Variants in NCALD observed in about 807,000 individuals in gnomAD.
NCALD encodes the protein neurocalcin-delta.
In NCALD, 10 loss-of-function variants were observed where a neutral mutation model predicts 18.6. The observed-to-expected ratio is 0.54, with a 90% CI of 0.33 to 0.91. The LOEUF (loss-of-function observed/expected upper bound fraction) is 0.91, where lower values mean the gene tolerates loss of function less well. Among genes scored for constraint, NCALD ranks in the 40% least tolerant of loss-of-function variants. The pLI, the probability that NCALD is intolerant of heterozygous loss-of-function variation, is 0.03. For synonymous variants in NCALD, 88 were observed against 87.4 expected (o/e 1.01, Z -0.04); for missense variants, 184 against 247.6 (o/e 0.74, Z 1.72).
rs2212795 is a variant in NCALD at position 102,014,713 on chromosome 8, G to A, written c.-157+5524C>T. Among the ~76,000 whole-genome samples, 849 of 152,036 alleles carry A rather than the reference G, an allele frequency of 5.6e-3. 12 individuals carry two copies. Among genetic ancestry groups the A allele is most frequent in the African/African-American group, 0.019 (792 of 41,448 alleles). Reference sequence around the variant, plus strand: ...TGCACTATACCCCCCACCCCACCAGGTTTTCCTTACAGTAGAGTTACCTTC... The same window carrying A: ...TGCACTATACCCCCCACCCCACCAGATTTTCCTTACAGTAGAGTTACCTTC... On this transcript the variant is annotated intron_variant, in intron 2 of 6. Transcript: ENST00000311028.
chr8:101,916,536 G>A (rs948490345), intron 2 of NCALD, among the ~76,000 whole-genome samples: 3 of 152,122 alleles, frequency 2.0e-5, no homozygotes, highest in Non-Finnish European at 2.9e-5. Context: ...TTACTTGAAT[G>A]CAAGTGGTTT....
chr8:102,057,254 T>TCAAACA (rs1586992999), intron 1 of NCALD, among the ~76,000 whole-genome samples: 1 of 60,054 alleles, frequency 1.7e-5, no homozygotes, highest in East Asian at 6.2e-4. Context: ...CTTGGCTAGT[T>TCAAACA]CATACACACA....
At chr8:101,814,705 A>G (rs1042754395) in intron 4 of NCALD, among the ~76,000 whole-genome samples, 3 of 152,080 alleles carry the variant, frequency 2.0e-5, no homozygotes, top group African/African-American at 7.2e-5. Context: ...TCATCTAGGT[A>G]GGAAAGCCAA....
chr8:101,839,812 G>A (rs962681677), intron 4 of NCALD, among the ~76,000 whole-genome samples: 4 of 152,082 alleles, frequency 2.6e-5, no homozygotes, highest in African/African-American at 7.2e-5. Flanking sequence ...GGGTAATGAG[G>A]AACGCTGAAG....
At chr8:101,777,666 G>A (rs1811849911) in intron 1 of NCALD, among the ~76,000 whole-genome samples, 2 of 152,126 alleles carry the variant, frequency 1.3e-5, no homozygotes, top group Non-Finnish European at 2.9e-5. Flanking sequence ...CAGCACACTG[G>A]GGCAGCCACT....
At position 101,858,855 on chromosome 8, in the gene NCALD, A is replaced by C. The variant is rs576035485; in HGVS notation, c.-20+28286T>G. ...GGAAAACAGAATGACCAGATACTTG[A>C]GAACAATCTCCAAAGAAAAACATGC... On this transcript the variant is annotated intron_variant, in intron 4 of 6. Coordinates refer to the NCALD transcript ENST00000311028. Among the ~76,000 whole-genome samples the C allele has an allele frequency of 2.6e-5, 4 of 152,298 alleles. No individual in the cohort carries two copies. In the East Asian group the frequency reaches 7.7e-4, roughly 29 times the overall value.
At chr8:101,792,190 A>C, upstream of NCALD, among the ~76,000 whole-genome samples, 1 of 152,210 alleles carries the variant, frequency 6.6e-6, no homozygotes, top group East Asian at 1.9e-4. Flanking sequence ...AAATAAATAA[A>C]TAAAAAAGAG....
At chr8:102,094,385 C>G (rs1214183325) in intron 1 of NCALD, among the ~76,000 whole-genome samples, 2 of 152,150 alleles carry the variant, frequency 1.3e-5, no homozygotes, top group Non-Finnish European at 2.9e-5. Flanking sequence ...AGATACTGTA[C>G]TCATTTTATA....
chr8:101,753,268 G>A (rs889965400), intron 1 of NCALD, among the ~76,000 whole-genome samples: 4 of 152,178 alleles, frequency 2.6e-5, no homozygotes, highest in African/African-American at 9.7e-5. Flanking sequence ...AAGATCAGAT[G>A]GGTGGGATAA....
At chr8:101,715,878 A>T (rs28879186) in intron 2 of NCALD, among the ~76,000 whole-genome samples, 1,929 of 152,324 alleles carry the variant, frequency 0.013, 24 homozygotes, top group Admixed American at 0.028. Flanking sequence ...TGGGAACATA[A>T]ATTAGTTTAA....
chr8:102,010,847 T>C (rs1157005010), intron 2 of NCALD, among the ~76,000 whole-genome samples: 1 of 152,194 alleles, frequency 6.6e-6, no homozygotes, highest in Non-Finnish European at 1.5e-5. Flanking sequence ...TAAGATTACA[T>C]CAGGAAACAC....
rs555838416 is a variant in NCALD, at chr8:101,932,831, T to C, written c.-156-16973A>G. Among the ~76,000 whole-genome samples, 37 of 152,324 alleles carry C rather than the reference T, an allele frequency of 2.4e-4. 3 individuals carry two copies. In the South Asian group the frequency reaches 7.0e-3, roughly 29 times the overall value. On this transcript the variant is annotated intron_variant, in intron 2 of 6. Transcript: ENST00000311028. ...AATGACAACAATCTAACAAGTTAGT[T>C]AGCTAGAGAATATTATTTTGCTGTC...
At chr8:101,851,073 C>T (rs1425453496) in intron 4 of NCALD, among the ~76,000 whole-genome samples, 1 of 152,094 alleles carries the variant, frequency 6.6e-6, no homozygotes, top group African/African-American at 2.4e-5. Flanking sequence ...TTTAGTAAAT[C>T]TTAAAGAAGA....
chr8:101,962,871 TTTTC>T (rs1423850041), intron 2 of NCALD, among the ~76,000 whole-genome samples: 2 of 152,192 alleles, frequency 1.3e-5, no homozygotes, highest in Non-Finnish European at 2.9e-5. Context: ...ATAATTTATT[TTTTC>T]TTTCTATTTA....
At chr8:101,795,444 A>G, upstream of NCALD, among the ~76,000 whole-genome samples, 1 of 152,222 alleles carries the variant, frequency 6.6e-6, no homozygotes, top group East Asian at 1.9e-4. Flanking sequence ...GTCTCTTGTG[A>G]GAGCCCATTT....
chr8:101,991,609 G>T (rs1214028076), intron 2 of NCALD, among the ~76,000 whole-genome samples: 1 of 152,132 alleles, frequency 6.6e-6, no homozygotes, highest in Middle Eastern at 3.2e-3. Flanking sequence ...AGGGCTGGGG[G>T]TCAGAGGTTT....
At chr8:101,728,508 G>A (rs1816669925) in intron 1 of NCALD, among the ~76,000 whole-genome samples, 1 of 152,218 alleles carries the variant, frequency 6.6e-6, no homozygotes, top group African/African-American at 2.4e-5. Context: ...AGGGATTCCT[G>A]AAAGAGACCA....
intron 1 of NCALD, among the ~76,000 whole-genome samples, chr8:101,765,671 T>C (rs1563746456): frequency 2.0e-5 from 3 of 152,036 alleles, no homozygotes; most frequent in Admixed American, 2.0e-4. Flanking sequence ...GGAGAGAAAG[T>C]ATCTTCCAAA....
intron 4 of NCALD, among the ~76,000 whole-genome samples, chr8:101,878,067 C>G (rs1015809804): frequency 6.6e-6 from 1 of 152,168 alleles, no homozygotes; most frequent in Non-Finnish European, 1.5e-5. Context: ...CCAGAAATAA[C>G]AAATGTTCCA....
Sources: allele counts gnomAD v4.1 joint callset (sites outside exome capture counted in the v4.1 genomes callset), GRCh38; gene constraint gnomAD v4.1.1; transcripts MANE v1.5; gene names NCBI Gene and HGNC (gene_info 2026-07-23, HGNC 2026-07-21).